Variants in MED13L observed in about 807,000 individuals in gnomAD.
MED13L encodes mediator complex subunit 13L, also known as mediator of RNA polymerase II transcription subunit 13-like.
A neutral mutation model predicts 220.9 loss-of-function variants in MED13L; 7 were observed. The ratio of observed to expected loss-of-function variants is 0.03; its 90% CI spans 0.02 to 0.06. MED13L has a LOEUF of 0.06. Ranked by LOEUF, MED13L falls within the 10% of genes least tolerant of loss-of-function variation. The probability of loss-of-function intolerance (pLI) is 1.00; values close to 1 mark genes in which losing one functional copy is unlikely to be tolerated. For missense variants in MED13L, 1,965 were observed against 2,760.5 expected (o/e 0.71, Z 6.46); for synonymous variants, 1,011 against 1,015.2 (o/e 1.00, Z 0.08).
At chr12:116,099,770 G>A (rs1482940411) in intron 3 of MED13L, among the ~76,000 whole-genome samples, 1 of 152,172 alleles carries the variant, frequency 6.6e-6, no homozygotes, top group Non-Finnish European at 1.5e-5. Context: ...GACCACTCAA[G>A]GACAAAAGCA....
chr12:116,100,056 G>A (rs1872931359), intron 3 of MED13L, among the ~76,000 whole-genome samples: 1 of 152,200 alleles, frequency 6.6e-6, no homozygotes, highest in African/African-American at 2.4e-5. Context: ...GCAGAGAATT[G>A]CATGAAGTAG....
At chr12:116,199,633 C>T (rs1226822680) in intron 2 of MED13L, among the ~76,000 whole-genome samples, 1 of 152,052 alleles carries the variant, frequency 6.6e-6, no homozygotes, top group Non-Finnish European at 1.5e-5. Context: ...AAAAACAGTT[C>T]CCATTTGGTT....
intron 4 of MED13L, among the ~76,000 whole-genome samples, chr12:116,096,038 ATTC>A (rs1225870474): frequency 6.6e-6 from 1 of 152,092 alleles, no homozygotes; most frequent in Non-Finnish European, 1.5e-5. Flanking sequence ...TTTTAAACTT[ATTC>A]CATACAACAC....
intron 4 of MED13L, among the ~76,000 whole-genome samples, chr12:116,062,729 G>A (rs1185403546): frequency 6.6e-6 from 1 of 151,920 alleles, no homozygotes; most frequent in Non-Finnish European, 1.5e-5. Context: ...CCTGTGATCC[G>A]ACCAACTCAC....
At chr12:116,224,675 T>C (rs1593183029) in intron 2 of MED13L, among the ~76,000 whole-genome samples, 1 of 152,128 alleles carries the variant, frequency 6.6e-6, no homozygotes, top group Non-Finnish European at 1.5e-5. Context: ...TTTGTTGTTG[T>C]TATTGTTTTG....
At chr12:115,982,157 A>G (rs945525869) in intron 22 of MED13L, 2 of 549,968 alleles carry the variant, frequency 3.6e-6, no homozygotes, top group African/African-American at 1.9e-5. Context: ...TATATGAAAC[A>G]TAAATAAATT....
chr12:116,117,069 A>G (rs1407113478), intron 2 of MED13L, among the ~76,000 whole-genome samples: 1 of 151,924 alleles, frequency 6.6e-6, no homozygotes, highest in African/African-American at 2.4e-5. Flanking sequence ...GTCTCTCAAC[A>G]GTGGGAAAAA....
intron 2 of MED13L, among the ~76,000 whole-genome samples, chr12:116,128,414 A>G (rs950123970): frequency 3.9e-5 from 6 of 152,028 alleles, no homozygotes; most frequent in Non-Finnish European, 7.4e-5. Flanking sequence ...AATCAACAAG[A>G]TTAGAATGAC....
chr12:116,190,736 C>T (rs1012447854), intron 2 of MED13L, among the ~76,000 whole-genome samples: 2 of 152,048 alleles, frequency 1.3e-5, no homozygotes, highest in African/African-American at 4.8e-5. Context: ...GAAAACGATA[C>T]AATTTGACCT....
intron 4 of MED13L, among the ~76,000 whole-genome samples, chr12:116,074,122 T>C (rs1397157188): frequency 6.6e-6 from 1 of 152,198 alleles, no homozygotes; most frequent in Admixed American, 6.5e-5. Context: ...TGGCCGGGCA[T>C]GGTGGCTCAT....
In MED13L at chr12:116,006,343, T is replaced by C. The variant is rs1376428485; in HGVS notation, c.2307A>G (p.Lys769=). 6.2e-7 allele frequency: 1 copy of C among 1,613,930 alleles called. No homozygotes were observed. Among genetic ancestry groups the C allele is most frequent in the African/African-American group, 1.3e-5 (1 of 74,920 alleles). ...PGHSTPVPDG[K]NAMSIFSSAT... is the part of the protein sequence containing the mutation. ...CAGAACTGAAAATAGACATGGCATT[T>C]TTCCCATCAGGCACCGGCGTGGAAT... The change falls in exon 12 of 31, where the codon AAA becomes AAG. Residue 769 remains lysine (K), a synonymous_variant. Transcript: ENST00000281928.
intron 2 of MED13L, among the ~76,000 whole-genome samples, chr12:116,200,721 G>A (rs1487583495): frequency 1.3e-5 from 2 of 152,152 alleles, no homozygotes; most frequent in Non-Finnish European, 2.9e-5. Context: ...AAGACTCACT[G>A]TGCCTCAATT....
Position 116,096,686 on chromosome 12 carries a change from T to C in MED13L, c.462A>G (p.Glu154=), listed in dbSNP as rs1392468231. The change falls in exon 4 of 31, where the codon GAA becomes GAG. Residue 154 remains glutamate (E), a synonymous_variant. Transcript: ENST00000281928. ...AGGCTCACCTTTTGTTGACTGGCTT[T>C]TCATCCTTTTCGTAGGGTCGGACAA... is the stretch of plus-strand genomic sequence containing the variant. ...KWFVRPYEKD[E]KPVNKSEHLS... The C allele has an allele frequency of 6.2e-7, 1 of 1,613,950 alleles. No individual in the cohort carries two copies. The highest frequency in any genetic ancestry group is 2.2e-5 in the East Asian group (1 of 44,854).
At chr12:116,007,942 T>C (rs1263021250) in intron 10 of MED13L, 1 of 392,810 alleles carries the variant, frequency 2.5e-6, no homozygotes, top group African/African-American at 2.0e-5. Flanking sequence ...AATAATATGG[T>C]ACAGTGAAGA....
intron 16 of MED13L, among the ~76,000 whole-genome samples, chr12:115,994,443 C>T (rs77159726): frequency 0.069 from 10,486 of 152,050 alleles, 464 homozygotes; most frequent in African/African-American, 0.11. Flanking sequence ...GAGCGAGACC[C>T]TGTCTCCAAA....
At chr12:116,185,483 C>T (rs1036354188) in intron 2 of MED13L, among the ~76,000 whole-genome samples, 4 of 151,784 alleles carry the variant, frequency 2.6e-5, no homozygotes, top group Non-Finnish European at 2.9e-5. Flanking sequence ...TAATACCTGA[C>T]GAAAATCAAC....
At position 116,007,645 on chromosome 12, in the gene MED13L, CAAAA is replaced by C. The variant is rs542425590; in HGVS notation, c.2013-13_2013-10del. Reference sequence around the variant, plus strand: ...TAGGTTGTGCTAAGAGTCTAAAAGACAAAAAAAAAAAAAAAAAAAAGAGCATTTA... The same window carrying C: ...TAGGTTGTGCTAAGAGTCTAAAAGACAAAAAAAAAAAAAAAAGAGCATTTA... On this transcript the variant is annotated splice_polypyrimidine_tract_variant and intron_variant, in intron 10 of 30. Transcript: ENST00000281928. The C allele has an allele frequency of 4.4e-3, 3,277 of 752,982 alleles. No individual in the cohort carries two copies. Among genetic ancestry groups the C allele is most frequent in the Non-Finnish European group, 4.7e-3 (2,563 of 544,812 alleles). 46.6% of individuals were successfully genotyped at this position (752,982 alleles called of 1,614,324 possible). A position where few individuals can be genotyped will look rare whatever the true frequency, so the allele number is the denominator to read the frequency against.
At chr12:116,070,310 TA>T (rs1870267834) in intron 4 of MED13L, among the ~76,000 whole-genome samples, 1 of 152,200 alleles carries the variant, frequency 6.6e-6, no homozygotes, top group African/African-American at 2.4e-5. Flanking sequence ...TTAACATCTG[TA>T]AAATGGGGAT....
chr12:116,118,813 T>A (rs931723096), intron 2 of MED13L, among the ~76,000 whole-genome samples: 37 of 152,218 alleles, frequency 2.4e-4, no homozygotes, highest in Non-Finnish European at 1.5e-5. Flanking sequence ...GAACTAGGAA[T>A]GCTCTCAAAA....
Sources: gnomAD v4.1 joint callset for allele counts (sites outside exome capture counted in the v4.1 genomes callset) on GRCh38, gnomAD v4.1.1 for gene constraint, MANE v1.5 for transcripts, NCBI Gene and HGNC (gene_info 2026-07-23, HGNC 2026-07-21) for gene names.